The following NXPE2 variants were observed in gnomAD, a reference collection of about 807,000 sequenced individuals.
NXPE2 encodes neurexophilin and PC-esterase domain family member 2, also known as NXPE family member 2.
Under a neutral mutation model 34.4 loss-of-function variants are expected in NXPE2, and 34 were observed. The ratio of observed to expected loss-of-function variants is 0.99; its 90% CI spans 0.75 to 1.31. The LOEUF is 1.31. Ranked by LOEUF, NXPE2 falls within the 40% of genes most tolerant of loss-of-function variation. The pLI, the probability that NXPE2 is intolerant of heterozygous loss-of-function variation, is 0.00. For missense variants in NXPE2, 649 were observed against 672.5 expected, an observed-to-expected ratio of 0.97 and a Z score of 0.39; for synonymous variants, 235 against 231.3, an observed-to-expected ratio of 1.02 and a Z score of -0.15.
the NXPE2 span, among the ~76,000 whole-genome samples, chr11:114,650,084 C>A: frequency 6.6e-6 from 1 of 152,086 alleles, no homozygotes; most frequent in Non-Finnish European, 1.5e-5. Flanking sequence ...GAAAAAAAAT[C>A]CAGGTAATAT....
chr11:114,715,799 A>G, the NXPE2 span, among the ~76,000 whole-genome samples: 30 of 152,350 alleles, frequency 2.0e-4, no homozygotes, highest in Middle Eastern at 3.4e-3. Context: ...AGCCCTTCAT[A>G]GATGACCTCA....
chr11:114,707,389 C>G (rs527953353), downstream of NXPE2: 24 of 414,370 alleles, frequency 5.8e-5, no homozygotes, highest in South Asian at 3.9e-4. Context: ...AACCACCATG[C>G]CCGGCATTAT....
chr11:114,575,645 G>A, the NXPE2 span, among the ~76,000 whole-genome samples: 9 of 151,970 alleles, frequency 5.9e-5, no homozygotes, highest in Middle Eastern at 3.4e-3. Flanking sequence ...CCTAGCCAAG[G>A]ATGTCAAAGA....
the NXPE2 span, among the ~76,000 whole-genome samples, chr11:114,756,099 T>C: frequency 6.6e-6 from 1 of 152,354 alleles, no homozygotes; most frequent in East Asian, 1.9e-4. Flanking sequence ...TCATTTTTTT[T>C]CCAATGATAG....
the NXPE2 span, among the ~76,000 whole-genome samples, chr11:114,467,756 G>A: frequency 6.6e-6 from 1 of 152,136 alleles, no homozygotes; most frequent in Middle Eastern, 3.4e-3. Flanking sequence ...GAAACATGGT[G>A]AAACCCCATC....
the NXPE2 span, among the ~76,000 whole-genome samples, chr11:114,722,565 A>G: frequency 7.5e-3 from 1,140 of 152,272 alleles, 9 homozygotes; most frequent in Middle Eastern, 0.014. Flanking sequence ...AAATGTGGGC[A>G]GAGACAAAAT....
At chr11:114,633,975 C>A in the NXPE2 span, among the ~76,000 whole-genome samples, 1 of 151,952 alleles carries the variant, frequency 6.6e-6, no homozygotes, top group African/African-American at 2.4e-5. Flanking sequence ...TGGGTATATA[C>A]CCAGTAATGG....
the NXPE2 span, among the ~76,000 whole-genome samples, chr11:114,469,942 G>A: frequency 6.6e-6 from 1 of 152,106 alleles, no homozygotes; most frequent in Non-Finnish European, 1.5e-5. Flanking sequence ...GTGAAATTAT[G>A]CAGCATATAC....
chr11:114,709,875 C>G (rs1320734052), downstream of NXPE2, among the ~76,000 whole-genome samples: 1 of 151,362 alleles, frequency 6.6e-6, no homozygotes, highest in Non-Finnish European at 1.5e-5. Flanking sequence ...TCATTCCAGC[C>G]TGGGTGACAG....
At chr11:114,655,191 T>C in the NXPE2 span, among the ~76,000 whole-genome samples, 1 of 152,228 alleles carries the variant, frequency 6.6e-6, no homozygotes, top group South Asian at 2.1e-4. Context: ...TTCTTGTAAA[T>C]ATGTTTAAGT....
chr11:114,583,295 T>C, the NXPE2 span: 3 of 639,846 alleles, frequency 4.7e-6, no homozygotes, highest in Admixed American at 6.5e-5. Context: ...CTGTTACTAC[T>C]ACGATAGGGG....
the NXPE2 span, among the ~76,000 whole-genome samples, chr11:114,626,906 AG>A: frequency 6.6e-6 from 1 of 152,210 alleles, no homozygotes; most frequent in South Asian, 2.1e-4. Context: ...ATCAACTGGA[AG>A]AAAGGGTATC....
the NXPE2 span, among the ~76,000 whole-genome samples, chr11:114,736,875 G>A: frequency 1.3e-5 from 2 of 152,282 alleles, no homozygotes; most frequent in South Asian, 4.2e-4. Flanking sequence ...GCTTCAGCCG[G>A]TCCCTCCATT....
At chr11:114,702,741 C>T (rs1951389429) in intron 3 of NXPE2, among the ~76,000 whole-genome samples, 1 of 152,114 alleles carries the variant, frequency 6.6e-6, no homozygotes, top group Non-Finnish European at 1.5e-5. Context: ...AGTCAATGGG[C>T]CATAGTGCTG....
chr11:114,519,227 C>T, the NXPE2 span, among the ~76,000 whole-genome samples: 5 of 151,980 alleles, frequency 3.3e-5, no homozygotes, highest in Admixed American at 1.3e-4. Context: ...GCTTTCCCCC[C>T]GTTTGGCAAA....
chr11:114,565,188 T>C, the NXPE2 span, among the ~76,000 whole-genome samples: 3 of 152,218 alleles, frequency 2.0e-5, no homozygotes, highest in East Asian at 5.8e-4. Flanking sequence ...ACATCAAAAA[T>C]ATTTGTGATA....
the NXPE2 span, among the ~76,000 whole-genome samples, chr11:114,639,831 T>TTAAATATAAAATATAATATATAATA: frequency 9.3e-6 from 1 of 107,986 alleles, no homozygotes; most frequent in East Asian, 2.9e-4. Flanking sequence ...ATAATATATA[T>TTAAATATAAAATATAATATATAATA]TATATTAAAT....
chr11:114,533,720 C>T, the NXPE2 span, among the ~76,000 whole-genome samples: 61 of 152,304 alleles, frequency 4.0e-4, no homozygotes, highest in African/African-American at 7.5e-4. Context: ...AACTGCAAGG[C>T]GGCAGCAAGA....
the NXPE2 span, among the ~76,000 whole-genome samples, chr11:114,480,983 GACCT>G: frequency 1.3e-5 from 2 of 152,138 alleles, no homozygotes; most frequent in Admixed American, 1.3e-4. Flanking sequence ...GATGGAGAGG[GACCT>G]GCCTCAAACA....
Sources: gnomAD v4.1 joint callset for allele counts (sites outside exome capture counted in the v4.1 genomes callset) on GRCh38, gnomAD v4.1.1 for gene constraint, MANE v1.5 for transcripts, NCBI Gene and HGNC (gene_info 2026-07-23, HGNC 2026-07-21) for gene names.